Variants in SPAG9 observed in about 807,000 individuals in gnomAD.
The protein encoded by SPAG9 is sperm associated antigen 9.
Under a neutral mutation model 166.5 loss-of-function variants are expected in SPAG9, and 35 were observed. The observed-to-expected ratio is 0.21, with a 90% CI of 0.16 to 0.28. The LOEUF is 0.28. SPAG9 is among the 10% of genes least tolerant of loss of function. SPAG9 has a pLI of 1.00. For synonymous variants in SPAG9, 534 were observed against 565.5 expected, an observed-to-expected ratio of 0.94 and a Z score of 0.79; for missense variants, 1,235 against 1,603.3, an observed-to-expected ratio of 0.77 and a Z score of 3.92.
At chr17:50,967,913 C>G (rs1287274432) in intron 29 of SPAG9, among the ~76,000 whole-genome samples, 1 of 152,174 alleles carries the variant, frequency 6.6e-6, no homozygotes, top group Admixed American at 6.5e-5. Flanking sequence ...ACTGCCAAAC[C>G]TGGTTAAGCA....
chr17:51,061,228 T>A (rs1460389595), intron 2 of SPAG9, among the ~76,000 whole-genome samples: 1 of 152,208 alleles, frequency 6.6e-6, no homozygotes, highest in Non-Finnish European at 1.5e-5. Flanking sequence ...AACATTATAA[T>A]GCCACAAAAC....
At chr17:51,095,258 T>C (rs2048578637) in intron 1 of SPAG9, among the ~76,000 whole-genome samples, 1 of 137,072 alleles carries the variant, frequency 7.3e-6, no homozygotes, top group Admixed American at 8.0e-5. Flanking sequence ...AACTCGCCAC[T>C]GCACTCCAGC....
At chr17:51,113,769 C>A (rs773331328) in intron 1 of SPAG9, among the ~76,000 whole-genome samples, 2 of 150,628 alleles carry the variant, frequency 1.3e-5, no homozygotes, top group Non-Finnish European at 3.0e-5. Context: ...GGCTGAGGTG[C>A]GAGGAATGTC....
intron 13 of SPAG9, among the ~76,000 whole-genome samples, chr17:51,000,589 G>A (rs1244296877): frequency 6.6e-6 from 1 of 151,966 alleles, no homozygotes; most frequent in African/African-American, 2.4e-5. Flanking sequence ...ACAAAAATTA[G>A]CTGGGCATGG....
chr17:51,041,445 G>C, intron 5 of SPAG9, 56 bp downstream of exon 5: 1 of 1,529,562 alleles, frequency 6.5e-7, no homozygotes, highest in South Asian at 1.2e-5. Context: ...ACTTCAATTA[G>C]GATAAGAAAG....
At chr17:51,100,286 C>T (rs181876330) in intron 1 of SPAG9, among the ~76,000 whole-genome samples, 27 of 151,918 alleles carry the variant, frequency 1.8e-4, no homozygotes, top group African/African-American at 6.3e-4. Context: ...GAATTCCTAT[C>T]CCAAGATAAA....
At chr17:51,108,687 C>T (rs2049022269) in intron 1 of SPAG9, among the ~76,000 whole-genome samples, 1 of 151,896 alleles carries the variant, frequency 6.6e-6, no homozygotes, top group African/African-American at 2.4e-5. Flanking sequence ...TGTAAAGATA[C>T]GGTCTCACTA....
At chr17:51,008,269 T>C (rs993331898) in intron 9 of SPAG9, among the ~76,000 whole-genome samples, 1 of 152,118 alleles carries the variant, frequency 6.6e-6, no homozygotes, top group East Asian at 1.9e-4. Flanking sequence ...CAAGATCCAA[T>C]GGAGTGGTCT....
At chr17:51,100,596 C>T (rs970544723) in intron 1 of SPAG9, among the ~76,000 whole-genome samples, 4 of 151,930 alleles carry the variant, frequency 2.6e-5, no homozygotes, top group Non-Finnish European at 4.4e-5. Flanking sequence ...CGTGCCACTG[C>T]ACTCCAGTCT....
At chr17:51,101,753 A>G (rs1290907692) in intron 1 of SPAG9, among the ~76,000 whole-genome samples, 1 of 152,036 alleles carries the variant, frequency 6.6e-6, no homozygotes, top group East Asian at 1.9e-4. Context: ...CCTCCGGAGT[A>G]GCTGGGATTA....
At chr17:51,068,453 A>C (rs1027036849) in intron 2 of SPAG9, among the ~76,000 whole-genome samples, 1 of 152,224 alleles carries the variant, frequency 6.6e-6, no homozygotes, top group Non-Finnish European at 1.5e-5. Context: ...AGAAACTTCT[A>C]GTGATCTGAC....
chr17:50,995,251 T>G, intron 17 of SPAG9, 27 bp from the exon 18 acceptor site: 4 of 1,600,238 alleles, frequency 2.5e-6, no homozygotes, highest in Non-Finnish European at 3.4e-6. Context: ...GAAAACAATA[T>G]TAAGTCTAGA....
chr17:50,972,144 C>G (rs1226745446), intron 28 of SPAG9, among the ~76,000 whole-genome samples: 6 of 152,168 alleles, frequency 3.9e-5, no homozygotes, highest in African/African-American at 1.4e-4. Context: ...GATCCTCCTG[C>G]CTTGATTTCC....
intron 25 of SPAG9, among the ~76,000 whole-genome samples, chr17:50,982,027 T>C (rs1974691750): frequency 6.7e-6 from 1 of 150,136 alleles, no homozygotes; most frequent in East Asian, 1.9e-4. Context: ...AGCAAGACTC[T>C]GTCTCAGAAA....
At chr17:50,980,633 C>T (rs1410871445) in intron 25 of SPAG9, among the ~76,000 whole-genome samples, 9 of 151,632 alleles carry the variant, frequency 5.9e-5, no homozygotes, top group South Asian at 2.1e-4. Context: ...TTTGGAAGGC[C>T]GAGGTGGGAG....
At position 51,070,071 on chromosome 17, in the gene SPAG9, T is replaced by TC. The variant is rs1211913051; in HGVS notation, c.424+9512_424+9513insG. ...AACACAGGAATTAGACCCTCATCTC[T>TC]TAAAAAAAAAAACAAAAAAAAAACC... On this transcript the variant is annotated intron_variant, in intron 2 of 29. Transcript: ENST00000262013. Among the ~76,000 whole-genome samples the TC allele has an allele frequency of 5.9e-5, 8 of 134,572 alleles. No homozygotes were observed. In the Admixed American group the frequency reaches 6.4e-4, roughly 11 times the overall value. 88.3% of individuals were successfully genotyped at this position (134,572 alleles called of 152,430 possible).
intron 28 of SPAG9, among the ~76,000 whole-genome samples, chr17:50,974,258 A>C (rs947820478): frequency 1.3e-5 from 2 of 152,192 alleles, no homozygotes; most frequent in Non-Finnish European, 2.9e-5. Context: ...GGCAGAGCAG[A>C]TATTAATCAC....
intron 1 of SPAG9, among the ~76,000 whole-genome samples, chr17:51,112,726 G>A (rs1455177391): frequency 1.4e-5 from 2 of 146,784 alleles, no homozygotes. Flanking sequence ...AAGGCAGGAG[G>A]ATCCACTTGA....
At chr17:51,036,544 C>T (rs1784853028) in intron 5 of SPAG9, among the ~76,000 whole-genome samples, 1 of 152,050 alleles carries the variant, frequency 6.6e-6, no homozygotes, top group Non-Finnish European at 1.5e-5. Context: ...CCACTCCAGC[C>T]CCCTCTCCCC....
Sources: allele counts gnomAD v4.1 joint callset (sites outside exome capture counted in the v4.1 genomes callset), GRCh38; gene constraint gnomAD v4.1.1; transcripts MANE v1.5; gene names NCBI Gene and HGNC (gene_info 2026-07-23, HGNC 2026-07-21).